The following TMEM181 variants were observed in gnomAD, a reference collection of about 807,000 sequenced individuals.
TMEM181 encodes the protein transmembrane protein 181.
A neutral mutation model predicts 71.9 loss-of-function variants in TMEM181; 39 were observed. The ratio of observed to expected loss-of-function variants is 0.54; its 90% confidence interval spans 0.42 to 0.71. The LOEUF (loss-of-function observed/expected upper bound fraction) is 0.71, where lower values mean the gene tolerates loss of function less well. Ranked by LOEUF, TMEM181 falls within the 30% of genes least tolerant of loss-of-function variation. TMEM181 has a pLI of 0.00. For missense variants in TMEM181, 595 were observed against 583.0 expected (o/e 1.02, Z -0.21); for synonymous variants, 245 against 228.8 (o/e 1.07, Z -0.64).
At chr6:158,611,680 C>T (rs1238407393) in intron 10 of TMEM181, 2 of 263,034 alleles carry the variant, frequency 7.6e-6, no homozygotes, top group Admixed American at 4.7e-5. Flanking sequence ...GTGGCGGCCC[C>T]GCCCACACCT....
chr6:158,576,376 G>A (rs1383581917), intron 2 of TMEM181, among the ~76,000 whole-genome samples: 2 of 152,256 alleles, frequency 1.3e-5, no homozygotes, highest in African/African-American at 2.4e-5. Flanking sequence ...GAAGTTTGAC[G>A]AAGTAAGAAT....
chr6:158,547,964 CCT>C (rs1172563864), intron 1 of TMEM181, among the ~76,000 whole-genome samples: 1 of 151,740 alleles, frequency 6.6e-6, no homozygotes, highest in African/African-American at 2.4e-5. Context: ...CAGTTCCCAG[CCT>C]CTGCCCCTTC....
chr6:158,608,723 C>T lies in TMEM181; in HGVS notation c.869C>T (p.Ala290Val). Residue 290 changes from alanine to valine, a missense_variant, in exon 10 of 17, where the codon GCT becomes GTT. Physicochemically the swap from Ala to Val is moderately conservative, Grantham distance 64. Transcript: ENST00000684151. ...TTCATTGTTGGACTATTGTGGTTGGCTTCTGTTACGCTAGGAATATGGCAA... is the reference window on the plus strand; with the variant it reads ...TTCATTGTTGGACTATTGTGGTTGGTTTCTGTTACGCTAGGAATATGGCAA... The part of the protein sequence containing the change: ...KFFIVGLLWL[A>V]SVTLGIWQTV... 1 of 1,613,458 alleles carries T rather than the reference C, an allele frequency of 6.2e-7. No individual in the cohort carries two copies.
At chr6:158,576,222 G>A (rs2128295811) in intron 2 of TMEM181, among the ~76,000 whole-genome samples, 1 of 152,272 alleles carries the variant, frequency 6.6e-6, no homozygotes, top group Admixed American at 6.5e-5. Flanking sequence ...CACAGTAGCA[G>A]GTACCCATCT....
chr6:158,625,765 CT>C lies in TMEM181; in HGVS notation c.1109+13del. ...AGTACTTGTCATTAGGTAAGAAGAC[CT>C]TATTTCTTGAAAACAGCAAAACGGA... is the stretch of plus-strand genomic sequence containing the variant. On this transcript the variant is annotated intron_variant, in intron 13 of 16. Coordinates refer to ENST00000684151, the MANE Select transcript of TMEM181 (RefSeq NM_001376852.1). 1 of 1,606,502 alleles carries C rather than the reference CT, an allele frequency of 6.2e-7. No homozygotes were observed. Among genetic ancestry groups the C allele is most frequent in the Non-Finnish European group, 8.5e-7 (1 of 1,177,576 alleles).
At chr6:158,589,399 A>G (rs950452092) in intron 5 of TMEM181, among the ~76,000 whole-genome samples, 1 of 152,216 alleles carries the variant, frequency 6.6e-6, no homozygotes, top group Non-Finnish European at 1.5e-5. Context: ...TTGCACTGTT[A>G]ACTTTCTTAC....
intron 1 of TMEM181, chr6:158,536,932 C>A: frequency 8.5e-7 from 1 of 1,173,088 alleles, no homozygotes; most frequent in Non-Finnish European, 1.1e-6. Context: ...TCCGGGACCC[C>A]GGCGCGCCCC....
intron 6 of TMEM181, among the ~76,000 whole-genome samples, chr6:158,591,722 T>G (rs765321962): frequency 6.6e-6 from 1 of 152,216 alleles, no homozygotes. Flanking sequence ...ATCATCTTCT[T>G]TATTAGAACA....
intron 2 of TMEM181, among the ~76,000 whole-genome samples, chr6:158,579,715 G>A (rs1387417997): frequency 2.0e-5 from 3 of 152,010 alleles, no homozygotes; most frequent in Non-Finnish European, 4.4e-5. Flanking sequence ...GTGAAACGCT[G>A]TCTCAAAAAA....
chr6:158,600,438 CCGTGCCTGG>C, intron 6 of TMEM181, among the ~76,000 whole-genome samples: 1 of 147,098 alleles, frequency 6.8e-6, no homozygotes, highest in Non-Finnish European at 1.5e-5. Context: ...GCGTGAGTCA[CCGTGCCTGG>C]CCTAGGGTTA....
At chr6:158,567,880 G>C (rs1782599089) in intron 1 of TMEM181, among the ~76,000 whole-genome samples, 1 of 152,176 alleles carries the variant, frequency 6.6e-6, no homozygotes, top group Non-Finnish European at 1.5e-5. Context: ...AGGAAGGCTG[G>C]AGAGGGATTG....
At chr6:158,546,575 T>G (rs184228711) in intron 1 of TMEM181, among the ~76,000 whole-genome samples, 3 of 152,340 alleles carry the variant, frequency 2.0e-5, no homozygotes, top group South Asian at 2.1e-4. Flanking sequence ...ATGGATTCCA[T>G]GGGTTCATCT....
At chr6:158,627,822 G>C (rs956493031) in intron 13 of TMEM181, among the ~76,000 whole-genome samples, 3 of 152,096 alleles carry the variant, frequency 2.0e-5, no homozygotes, top group Non-Finnish European at 4.4e-5. Flanking sequence ...TCTGGCTGAG[G>C]GTGGCATGTG....
Position 158,620,979 on chromosome 6 carries a change from G to T in TMEM181, c.897-2571G>T, listed in dbSNP as rs1785922036. ...AAGAGTATTTAAGCGTTCAGGGTGG[G>T]AGAGCTTATCACAGGCTCGAAATGT... On this transcript the variant is annotated intron_variant, in intron 10 of 16. Coordinates refer to ENST00000684151, the MANE Select transcript of TMEM181 (RefSeq NM_001376852.1). This position sits in a 1 kb window ranked among gnomAD's most constrained non-coding sequence, Gnocchi z 4.5. Among the ~76,000 whole-genome samples, 1 of 152,226 alleles carries T rather than the reference G, an allele frequency of 6.6e-6. No individual in the cohort carries two copies. Among genetic ancestry groups the T allele is most frequent in the Non-Finnish European group, 1.5e-5 (1 of 68,038 alleles).
At chr6:158,556,149 A>G (rs1365711182), upstream of TMEM181, among the ~76,000 whole-genome samples, 1 of 152,206 alleles carries the variant, frequency 6.6e-6, no homozygotes, top group East Asian at 1.9e-4. Flanking sequence ...TCATCCCAGT[A>G]GGGATGTAAG....
At chr6:158,602,916 T>C (rs1162594847) in intron 6 of TMEM181, among the ~76,000 whole-genome samples, 1 of 152,174 alleles carries the variant, frequency 6.6e-6, no homozygotes, top group Non-Finnish European at 1.5e-5. Context: ...GGTCACTGTC[T>C]TCCGGCTTGC....
intron 2 of TMEM181, among the ~76,000 whole-genome samples, chr6:158,580,238 G>A (rs1170412007): frequency 6.6e-6 from 1 of 152,156 alleles, no homozygotes; most frequent in African/African-American, 2.4e-5. Flanking sequence ...GCTGAGGCAG[G>A]AGAAGTGCTT....
intron 6 of TMEM181, among the ~76,000 whole-genome samples, chr6:158,599,120 A>G (rs887783452): frequency 1.3e-5 from 2 of 152,156 alleles, no homozygotes; most frequent in Non-Finnish European, 2.9e-5. Context: ...GATGTGAGGA[A>G]ACGTTTGTTC....
At chr6:158,576,336 C>A (rs1053270356) in intron 2 of TMEM181, among the ~76,000 whole-genome samples, 5 of 152,184 alleles carry the variant, frequency 3.3e-5, no homozygotes, top group Admixed American at 6.5e-5. Flanking sequence ...GGCATCTGTG[C>A]TCTGATCACT....
Sources: allele counts gnomAD v4.1 joint callset (sites outside exome capture counted in the v4.1 genomes callset), GRCh38; gene constraint gnomAD v4.1.1; non-coding constraint Gnocchi (gnomAD v3.1); transcripts MANE v1.5; gene names NCBI Gene and HGNC (gene_info 2026-07-23, HGNC 2026-07-21).